SLC16A3: variants seen among roughly 807,000 people sequenced by gnomAD.
The protein encoded by SLC16A3 is monocarboxylate transporter 4.
SLC16A3 carries 22 observed loss-of-function variants against 25.0 expected under a neutral mutation model. That is an observed-to-expected ratio of 0.88 (90% CI 0.63 to 1.26). The LOEUF (loss-of-function observed/expected upper bound fraction) is 1.26, where lower values mean the gene tolerates loss of function less well. Among genes scored for constraint, SLC16A3 ranks in the 50% most tolerant of loss-of-function variants. The pLI is 0.00. For synonymous variants in SLC16A3, 390 were observed against 309.2 expected (o/e 1.26, Z -2.74); for missense variants, 731 against 666.6 (o/e 1.10, Z -1.06).
intron 1 of SLC16A3, chr17:82,230,916 T>A (rs557327823): frequency 6.6e-6 from 1 of 151,404 alleles, no homozygotes; most frequent in East Asian, 2.0e-4. Flanking sequence ...AGTTCACGAG[T>A]CGACGCCCCC....
chr17:82,219,743 G>A (rs1236967404), intron 1 of SLC16A3, among the ~76,000 whole-genome samples: 1 of 152,144 alleles, frequency 6.6e-6, no homozygotes, highest in Non-Finnish European at 1.5e-5. Context: ...TGAAAGGCGG[G>A]GGGTCTGCGC....
chr17:82,232,930 T>TGGGGGGGGGG (rs2050523938), intron 1 of SLC16A3, among the ~76,000 whole-genome samples: 1 of 86,590 alleles, frequency 1.2e-5, no homozygotes, highest in African/African-American at 3.8e-5. Context: ...GGGGGGGGGT[T>TGGGGGGGGGG]GGTAAATGTC....
intron 1 of SLC16A3, among the ~76,000 whole-genome samples, chr17:82,218,579 C>T (rs997288091): frequency 6.6e-6 from 1 of 152,096 alleles, no homozygotes; most frequent in South Asian, 2.1e-4. Flanking sequence ...TGTAAGGTGC[C>T]GAGGGTGTGT....
At chr17:82,228,293 C>G (rs1258380320), upstream of SLC16A3, 4 of 152,312 alleles carry the variant, frequency 2.6e-5, no homozygotes, top group Non-Finnish European at 5.9e-5. Context: ...CTCGCCTCCC[C>G]GAAGGTGGGA....
chr17:82,221,524 G>A (rs548602994), intron 1 of SLC16A3, among the ~76,000 whole-genome samples: 2 of 151,768 alleles, frequency 1.3e-5, no homozygotes, highest in Non-Finnish European at 2.9e-5. Flanking sequence ...AGCTGAGAAC[G>A]CACCACTGCA....
At chr17:82,233,416 G>A (rs1016247094) in intron 1 of SLC16A3, among the ~76,000 whole-genome samples, 1 of 152,158 alleles carries the variant, frequency 6.6e-6, no homozygotes, top group Non-Finnish European at 1.5e-5. Context: ...AGTGAGTCCT[G>A]GCACTGCCCC....
chr17:82,224,108 G>A (rs2050405803), upstream of SLC16A3, among the ~76,000 whole-genome samples: 1 of 131,774 alleles, frequency 7.6e-6, no homozygotes, highest in African/African-American at 3.0e-5. Flanking sequence ...CCCTACACCC[G>A]TGCAGACACA....
chr17:82,218,814 C>T (rs946592583), intron 1 of SLC16A3, among the ~76,000 whole-genome samples: 4 of 152,154 alleles, frequency 2.6e-5, no homozygotes, highest in African/African-American at 9.7e-5. Context: ...ACTGGCTGTT[C>T]CCGAAGCCCG....
At chr17:82,236,502 AAAAGGT>A (rs2050605726) in intron 2 of SLC16A3, 1 of 640,246 alleles carries the variant, frequency 1.6e-6, no homozygotes, top group South Asian at 1.9e-5. Context: ...GCCGTTCCTG[AAAAGGT>A]GGCTGTTCCT....
At chr17:82,228,871 C>T (rs1018816561), upstream of SLC16A3, among the ~76,000 whole-genome samples, 2 of 150,732 alleles carry the variant, frequency 1.3e-5, no homozygotes, top group Non-Finnish European at 1.5e-5. Context: ...TCCCTGGGCC[C>T]GGCGGGGTTG....
chr17:82,236,168 G>C lies in SLC16A3; in HGVS notation c.160G>C (p.Gly54Arg), dbSNP rs1188443099. 6 of 1,613,114 alleles carry C rather than the reference G, an allele frequency of 3.7e-6. No homozygotes were observed. The highest frequency in any genetic ancestry group is 5.1e-6 in the Non-Finnish European group (6 of 1,179,994). ...VFFKELIQEFGIGYSDTAWIS... is the reference protein window; with the variant it reads ...VFFKELIQEFRIGYSDTAWIS... ...CTTCAAGGAGCTCATACAGGAGTTTGGGATCGGCTACAGCGACACAGCCTG... is the reference window on the plus strand; with the variant it reads ...CTTCAAGGAGCTCATACAGGAGTTTCGGATCGGCTACAGCGACACAGCCTG... Residue 54 changes from glycine (G) to arginine (R), a missense_variant, in exon 2 of 5, where the codon GGG (glycine) becomes CGG (arginine). Transcript: ENST00000582743.
chr17:82,236,511 C>A, intron 2 of SLC16A3: 1 of 650,732 alleles, frequency 1.5e-6, no homozygotes, highest in South Asian at 1.9e-5. Context: ...GAAAAGGTGG[C>A]TGTTCCTGAG....
chr17:82,218,178 A>G, exon 1 of SLC16A3, among the ~76,000 whole-genome samples: 1 of 152,174 alleles, frequency 6.6e-6, no homozygotes, highest in Non-Finnish European at 1.5e-5. Context: ...AGCTCTGGGT[A>G]ACCCTGGTGA....
chr17:82,231,398 C>G (rs1426379476), intron 1 of SLC16A3: 1 of 152,328 alleles, frequency 6.6e-6, no homozygotes, highest in Non-Finnish European at 1.5e-5. Context: ...CACCTTCCCC[C>G]CCGGGTCCCC....
exon 1 of SLC16A3, among the ~76,000 whole-genome samples, chr17:82,218,110 C>T (rs530077872): frequency 2.1e-3 from 320 of 152,338 alleles, no homozygotes; most frequent in Non-Finnish European, 2.2e-3. Context: ...GACCTCTGCT[C>T]CTCGACCTGG....
At position 82,239,705 on chromosome 17, in the gene SLC16A3, C is replaced by T. The variant is rs998973774; in HGVS notation, c.*729C>T. The T allele has an allele frequency of 5.3e-5, 19 of 361,128 alleles. No individual in the cohort carries two copies. The East Asian group carries it at 5.7e-4, about 11-fold the overall frequency. The allele number at this position is 361,128 out of a possible 1,614,324, so 22.4% of individuals were successfully genotyped here. ...TCTGAAATGTGCCAGGGAGCCCCTA[C>T]GTGGTGGTTAGATGGGAGCTGAGGT... is the stretch of plus-strand genomic sequence containing the variant. On this transcript the variant is annotated 3_prime_UTR_variant, in exon 5 of 5. Transcript: ENST00000582743.
rs746410730 is a variant in SLC16A3 at position 82,235,998 on chromosome 17, C to T, written c.-11C>T. The T allele has an allele frequency of 7.5e-6, 12 of 1,607,602 alleles. No homozygotes were observed. In the East Asian group the frequency reaches 1.1e-4, roughly 15 times the overall value. ...TCTCTCTCAGGTGAGGCGGAACCAA[C>T]CCTCCTGGCCATGGGAGGGGCCGTG... On this transcript the variant is annotated 5_prime_UTR_variant, in exon 2 of 5. Transcript: ENST00000582743.
At chr17:82,229,571 G>T (rs1185312406) in intron 1 of SLC16A3, 1 of 152,408 alleles carries the variant, frequency 6.6e-6, no homozygotes, top group Non-Finnish European at 1.5e-5. Context: ...GCTTTCCCCT[G>T]TTCGCAACAC....
Position 82,237,327 on chromosome 17 carries a change from T to C in SLC16A3, c.557T>C (p.Leu186Pro). ...WRGGFLILGG[L>P]LLNCCVCAAL... ...GGCGGCTTCCTCATCCTGGGCGGCCTGCTGCTCAACTGCTGCGTGTGTGCC... is the reference window on the plus strand; with the variant it reads ...GGCGGCTTCCTCATCCTGGGCGGCCCGCTGCTCAACTGCTGCGTGTGTGCC... The change falls in exon 4 of 5, where the codon CTG (leucine) becomes CCG (proline). Residue 186 changes from leucine to proline, a missense_variant. Physicochemically the swap from Leu to Pro is moderately conservative, Grantham distance 98. Coordinates refer to ENST00000582743, the MANE Select transcript of SLC16A3 (RefSeq NM_004207.4). 6.5e-7 allele frequency: 1 copy of C among 1,543,824 alleles called. No individual in the cohort carries two copies. Among genetic ancestry groups the C allele is most frequent in the Non-Finnish European group, 8.7e-7 (1 of 1,143,850 alleles).
Sources: gnomAD v4.1 joint callset for allele counts (sites outside exome capture counted in the v4.1 genomes callset) on GRCh38, gnomAD v4.1.1 for gene constraint, MANE v1.5 for transcripts, NCBI Gene and HGNC (gene_info 2026-07-23, HGNC 2026-07-21) for gene names.